Variants in SRGAP2 observed in about 807,000 individuals in gnomAD.
SRGAP2 encodes SLIT-ROBO Rho GTPase-activating protein 2.
SRGAP2 carries 15 observed loss-of-function variants against 57.2 expected under a neutral mutation model. The ratio of observed to expected loss-of-function variants is 0.26; its 90% CI spans 0.18 to 0.40. The LOEUF (loss-of-function observed/expected upper bound fraction) is 0.40. Among genes scored for constraint, SRGAP2 ranks in the 10% least tolerant of loss-of-function variants. The pLI, the probability that SRGAP2 is intolerant of heterozygous loss-of-function variation, is 1.00. For synonymous variants in SRGAP2, 249 were observed against 248.0 expected, an observed-to-expected ratio of 1.00 and a Z score of -0.04; for missense variants, 520 against 669.6, an observed-to-expected ratio of 0.78 and a Z score of 2.47.
chr1:206,440,504 T>C (rs1662185782), intron 17 of SRGAP2, among the ~76,000 whole-genome samples: 1 of 151,246 alleles, frequency 6.6e-6, no homozygotes, highest in South Asian at 2.1e-4. Context: ...CCCAGAGTCA[T>C]GGTAATAGCG....
chr1:206,205,052 G>A (rs1458145060), intron 1 of SRGAP2: 4 of 151,998 alleles, frequency 2.6e-5, no homozygotes, highest in Non-Finnish European at 4.4e-5. Context: ...GTACAGGGAG[G>A]TGCCCCGGCC....
In SRGAP2 at chr1:206,333,311, C is replaced by A. The variant is rs1392741516; in HGVS notation, c.261-9535C>A. On this transcript the variant is annotated intron_variant, in intron 3 of 22. Coordinates refer to ENST00000573034, the MANE Select transcript of SRGAP2 (RefSeq NM_015326.5). ...TATTCGGCCATCTTGGCTCCTCCCCCCTACACTGAATCATTTATTTTGAGC... is the reference window on the plus strand; with the variant it reads ...TATTCGGCCATCTTGGCTCCTCCCCACTACACTGAATCATTTATTTTGAGC... The A allele has an allele frequency of 9.5e-5, 116 of 1,216,942 alleles. 3 individuals are homozygous for A. The South Asian group carries it at 9.6e-4, about 10-fold the overall frequency. The allele number at this position is 1,216,942 out of a possible 1,614,324, so 75.4% of individuals were successfully genotyped here. A position where few individuals can be genotyped will look rare whatever the true frequency, so the allele number is the denominator to read the frequency against.
intron 1 of SRGAP2, 161 bp downstream of exon 1, chr1:206,203,811 C>G (rs1454312473): frequency 6.5e-7 from 1 of 1,530,752 alleles, no homozygotes; most frequent in Non-Finnish European, 8.8e-7. Flanking sequence ...CCCCCTCCAC[C>G]CTCTCCAAAT....
At chr1:206,311,945 G>C (rs1672677859) in intron 3 of SRGAP2, among the ~76,000 whole-genome samples, 1 of 151,416 alleles carries the variant, frequency 6.6e-6, no homozygotes, top group Non-Finnish European at 1.5e-5. Context: ...ATTCAAAGAA[G>C]CTGGGACAGA....
At chr1:206,302,596 A>G (rs1671936527) in intron 2 of SRGAP2, among the ~76,000 whole-genome samples, 2 of 152,240 alleles carry the variant, frequency 1.3e-5, no homozygotes, top group Non-Finnish European at 2.9e-5. Flanking sequence ...ATTCTGTGAT[A>G]TTGGAAACTG....
In SRGAP2 at chr1:206,311,417, T is replaced by TA. The variant is rs542234133; in HGVS notation, c.260+7951dup. On this transcript the variant is annotated intron_variant, in intron 3 of 22. Coordinates refer to ENST00000573034, the MANE Select transcript of SRGAP2 (RefSeq NM_015326.5). ...GAGGTCAAGTTCAATGGATGGGAGA[T>TA]AAAAAAATTAAAATGCCAGTGCTAG... Among the ~76,000 whole-genome samples, 10 of 152,058 alleles carry TA rather than the reference T, an allele frequency of 6.6e-5. No individual in the cohort carries two copies. The South Asian group carries it at 1.7e-3, about 25-fold the overall frequency.
At chr1:206,372,952 TTTCTTTTCTTTC>T (rs1654726065) in intron 4 of SRGAP2, among the ~76,000 whole-genome samples, 1 of 7,960 alleles carries the variant, frequency 1.3e-4, no homozygotes, top group African/African-American at 1.2e-3. Flanking sequence ...TCTTTCTTTC[TTTCTTTTCTTTC>T]CTTTCTTTCT....
At chr1:206,248,372 G>A (rs1668628931) in intron 2 of SRGAP2, among the ~76,000 whole-genome samples, 1 of 152,084 alleles carries the variant, frequency 6.6e-6, no homozygotes, top group Non-Finnish European at 1.5e-5. Flanking sequence ...ATTCTTAGCT[G>A]TATTATGTGA....
chr1:206,314,524 A>C (rs1248043753), intron 3 of SRGAP2, among the ~76,000 whole-genome samples: 14 of 152,218 alleles, frequency 9.2e-5, no homozygotes, highest in Non-Finnish European at 1.3e-4. Context: ...TTTAAGTTTA[A>C]GGTGTTGGAA....
chr1:206,347,960 A>T (rs1240523694), intron 4 of SRGAP2, among the ~76,000 whole-genome samples: 2 of 151,734 alleles, frequency 1.3e-5, no homozygotes, highest in Admixed American at 1.3e-4. Flanking sequence ...AGGACTCATT[A>T]AATGTGAGAA....
chr1:206,266,966 CTTTTT>C (rs1197579154), intron 2 of SRGAP2, among the ~76,000 whole-genome samples: 1 of 70,048 alleles, frequency 1.4e-5, no homozygotes, highest in African/African-American at 6.4e-5. Context: ...GCAAAACTTA[CTTTTT>C]TTTTTTTTTT....
At chr1:206,373,886 AC>A (rs1429248742) in intron 4 of SRGAP2, among the ~76,000 whole-genome samples, 3 of 151,636 alleles carry the variant, frequency 2.0e-5, no homozygotes, top group African/African-American at 7.3e-5. Flanking sequence ...GATTTAACAC[AC>A]CTGTCTCAGT....
At chr1:206,425,070 C>T (rs917458852) in intron 13 of SRGAP2, among the ~76,000 whole-genome samples, 11 of 152,184 alleles carry the variant, frequency 7.2e-5, no homozygotes, top group African/African-American at 2.7e-4. Context: ...ACTGATATTC[C>T]ATTTCCTGCA....
At position 206,231,640 on chromosome 1, in the gene SRGAP2, T is replaced by C. The variant is rs572164153; in HGVS notation, c.67+25603T>C. On this transcript the variant is annotated intron_variant, in intron 2 of 22. Transcript: ENST00000573034. ...GCAACCTCTGCCTCCCAGGTTCAAA[T>C]GATTTTTGTGCCTCAGCCACCCCGG... 1.1e-4 allele frequency among the ~76,000 whole-genome samples: 17 copies of C among 148,532 alleles called. No homozygotes were observed. In the South Asian group the frequency reaches 3.5e-3, roughly 30 times the overall value.
At chr1:206,365,508 C>T (rs563539006) in intron 4 of SRGAP2, among the ~76,000 whole-genome samples, 11 of 150,716 alleles carry the variant, frequency 7.3e-5, no homozygotes, top group Non-Finnish European at 1.3e-4. Context: ...TTTCAACACA[C>T]ATTCAAATCA....
rs2103366494 is a variant in SRGAP2 at position 206,447,617 on chromosome 1, A to T, written c.2099+1318A>T. ...GTCACTTTAGGTCTCAGCCTACTGG[A>T]TGATGAGCTCCAGGGAGCTGTCCTT... On this transcript the variant is annotated intron_variant, in intron 18 of 22. Coordinates refer to ENST00000573034, the MANE Select transcript of SRGAP2 (RefSeq NM_015326.5). Among the ~76,000 whole-genome samples the T allele has an allele frequency of 2.0e-5, 3 of 152,256 alleles. No homozygotes were observed. In the Middle Eastern group the frequency reaches 0.01, roughly 518 times the overall value.
At position 206,454,774 on chromosome 1, in the gene SRGAP2, G is replaced by T; in HGVS notation, c.2361-104G>T. ...GGTGTCGCTGCTGCCTCAGAGCTGT[G>T]TGGGGTCGCGTGTATGTCGGGGGGC... is the stretch of plus-strand genomic sequence containing the variant. On this transcript the variant is annotated intron_variant, in intron 20 of 22. Coordinates refer to ENST00000573034, the MANE Select transcript of SRGAP2 (RefSeq NM_015326.5). This position sits in a 1 kb window ranked among gnomAD's most constrained non-coding sequence, Gnocchi z 4.3. 1.6e-6 allele frequency: 1 copy of T among 632,996 alleles called. No individual in the cohort carries two copies. Among genetic ancestry groups the T allele is most frequent in the South Asian group, 1.9e-5 (1 of 54,010 alleles). The allele number at this position is 632,996 out of a possible 1,614,324, so 39.2% of individuals were successfully genotyped here. A position where few individuals can be genotyped will look rare whatever the true frequency, so the allele number is the denominator to read the frequency against.
chr1:206,319,053 GGCT>G (rs1265286638), intron 3 of SRGAP2, among the ~76,000 whole-genome samples: 1 of 152,086 alleles, frequency 6.6e-6, no homozygotes, highest in East Asian at 1.9e-4. Context: ...TATTGTTATG[GGCT>G]TTGTCTTGGA....
chr1:206,212,398 AT>A (rs1178483354), intron 2 of SRGAP2, among the ~76,000 whole-genome samples: 8 of 95,846 alleles, frequency 8.3e-5, no homozygotes, highest in Admixed American at 1.1e-4. Context: ...CAGGCTGGTT[AT>A]TTTTTTTTTA....
Sources: gnomAD v4.1 joint callset for allele counts (sites outside exome capture counted in the v4.1 genomes callset) on GRCh38, gnomAD v4.1.1 for gene constraint, Gnocchi (gnomAD v3.1) non-coding constraint, MANE v1.5 for transcripts, NCBI Gene and HGNC (gene_info 2026-07-23, HGNC 2026-07-21) for gene names.